PCDH9: variants seen among roughly 807,000 people sequenced by gnomAD.
PCDH9 encodes protocadherin-9.
PCDH9 carries 24 observed loss-of-function variants against 70.6 expected under a neutral mutation model. The observed-to-expected ratio is 0.34, with a 90% CI of 0.25 to 0.48. The LOEUF is 0.48. Among genes scored for constraint, PCDH9 ranks in the 20% least tolerant of loss-of-function variants. The pLI is 0.99. For synonymous variants in PCDH9, 562 were observed against 558.5 expected (o/e 1.01, Z -0.09); for missense variants, 1,281 against 1,503.6 (o/e 0.85, Z 2.45).
chr13:66,654,311 G>T (rs1370897476), intron 3 of PCDH9, among the ~76,000 whole-genome samples: 1 of 152,064 alleles, frequency 6.6e-6, no homozygotes, highest in Non-Finnish European at 1.5e-5. Flanking sequence ...GGTTACCAGG[G>T]GCTGGTAAGG....
intron 3 of PCDH9, among the ~76,000 whole-genome samples, chr13:66,800,911 T>A (rs1478344659): frequency 6.6e-6 from 1 of 152,030 alleles, no homozygotes; most frequent in African/African-American, 2.4e-5. Context: ...GCTAGAAAAA[T>A]GCTGGCACAT....
intron 2 of PCDH9, among the ~76,000 whole-genome samples, chr13:67,167,280 G>A (rs1314845195): frequency 1.3e-5 from 2 of 152,076 alleles, no homozygotes; most frequent in Non-Finnish European, 2.9e-5. Flanking sequence ...GTGCCTCTCA[G>A]CAAATTACTT....
chr13:66,730,876 G>GTGTGTTTTTTTTT (rs1555262846), intron 3 of PCDH9, among the ~76,000 whole-genome samples: 2 of 46,358 alleles, frequency 4.3e-5, no homozygotes, highest in African/African-American at 1.5e-4. Flanking sequence ...GTGTGTGTGT[G>GTGTGTTTTTTTTT]TTTTTTTTTT....
chr13:66,618,065 G>A (rs2077380514), intron 4 of PCDH9, among the ~76,000 whole-genome samples: 1 of 152,118 alleles, frequency 6.6e-6, no homozygotes, highest in Admixed American at 6.5e-5. Flanking sequence ...CTTCCTGGGT[G>A]GAAACTGGGA....
rs571189288 is a variant in PCDH9 at position 67,045,389 on chromosome 13, A to G, written c.3037-141784T>C. The stretch of plus-strand genomic sequence containing the variant: ...TCCTTTCTCTTTTCCATCACAGTCT[A>G]TGTTACTTTGAATACCTCTTTCCAT... On this transcript the variant is annotated intron_variant, in intron 2 of 4. Coordinates refer to ENST00000377865, the MANE Select transcript of PCDH9 (RefSeq NM_203487.3). 2.6e-5 allele frequency among the ~76,000 whole-genome samples: 4 copies of G among 152,120 alleles called. No individual in the cohort carries two copies. In the East Asian group the frequency reaches 7.7e-4, roughly 29 times the overall value.
intron 2 of PCDH9, among the ~76,000 whole-genome samples, chr13:67,091,785 C>T (rs1021052739): frequency 2.0e-5 from 3 of 152,116 alleles, no homozygotes; most frequent in Non-Finnish European, 2.9e-5. Flanking sequence ...AATAGTTCCT[C>T]GGTCATGTCA....
chr13:66,345,005 C>T (rs1034515231), intron 4 of PCDH9, among the ~76,000 whole-genome samples: 3 of 152,130 alleles, frequency 2.0e-5, no homozygotes, highest in Admixed American at 2.0e-4. Context: ...TCTTATCTTC[C>T]ACTACATGCA....
intron 4 of PCDH9, among the ~76,000 whole-genome samples, chr13:66,575,984 C>G (rs956343330): frequency 6.6e-6 from 1 of 150,632 alleles, no homozygotes; most frequent in African/African-American, 2.5e-5. Flanking sequence ...AAAAAAGTCA[C>G]CAGATTAAAA....
At chr13:66,390,250 A>G (rs2138266028) in intron 4 of PCDH9, among the ~76,000 whole-genome samples, 1 of 152,306 alleles carries the variant, frequency 6.6e-6, no homozygotes, top group South Asian at 2.1e-4. Flanking sequence ...CTGAGTTACC[A>G]TTAATCTGAG....
intron 3 of PCDH9, among the ~76,000 whole-genome samples, chr13:66,729,358 C>T (rs1370417342): frequency 1.3e-5 from 2 of 152,098 alleles, no homozygotes; most frequent in African/African-American, 4.8e-5. Context: ...AATAGACAAT[C>T]AAGTACCCTC....
chr13:66,622,231 C>G (rs548452956), intron 4 of PCDH9, among the ~76,000 whole-genome samples: 12 of 152,322 alleles, frequency 7.9e-5, no homozygotes, highest in Non-Finnish European at 2.9e-5. Flanking sequence ...GAGCCTCCCC[C>G]GCTCCGTGGG....
chr13:66,754,075 T>C (rs969029334), intron 3 of PCDH9, among the ~76,000 whole-genome samples: 18 of 152,182 alleles, frequency 1.2e-4, no homozygotes, highest in Non-Finnish European at 4.4e-5. Flanking sequence ...TTTCATTAAA[T>C]TATTTCTTGA....
At chr13:66,797,960 G>GGTGT (rs368524616) in intron 3 of PCDH9, among the ~76,000 whole-genome samples, 39 of 147,264 alleles carry the variant, frequency 2.6e-4, no homozygotes, top group African/African-American at 9.0e-4. Flanking sequence ...TTTCTTGGGG[G>GGTGT]GTGTGTGTGT....
intron 2 of PCDH9, among the ~76,000 whole-genome samples, chr13:67,014,123 T>C (rs17195231): frequency 0.013 from 2,005 of 152,224 alleles, 16 homozygotes; most frequent in African/African-American, 0.02. Flanking sequence ...AGGCAATTTA[T>C]TTGTCCCCAC....
chr13:66,304,868 C>G lies in PCDH9; in HGVS notation c.3501G>C (p.Trp1167Cys). The G allele has an allele frequency of 1.1e-5, 17 of 1,613,508 alleles. No homozygotes were observed. Among genetic ancestry groups the G allele is most frequent in the Non-Finnish European group, 1.4e-5 (16 of 1,179,746 alleles). The change falls in exon 5 of 5, where the codon TGG (tryptophan) becomes TGC (cysteine). Residue 1167 changes from tryptophan to cysteine, a missense_variant. Trp to Cys is a radical substitution (Grantham distance 215). This residue lies in a region of PCDH9 where 264 missense variants were observed against 278.8 expected (regional missense o/e 0.95). Transcript: ENST00000377865. ...CATTCACAAGCTTGTCCTTCTTCAC[C>G]CATTCTTTCTGGGGTGCAAAGGTTG... is the stretch of plus-strand genomic sequence containing the variant. ...PLSTFAPQKE[W>C]VKKDKLVNGH... is the part of the protein sequence containing the mutation.
At chr13:66,457,853 G>A (rs185508727) in intron 4 of PCDH9, among the ~76,000 whole-genome samples, 6 of 151,884 alleles carry the variant, frequency 4.0e-5, no homozygotes, top group African/African-American at 1.4e-4. Context: ...TTTTGGGGGG[G>A]ATAGGGGCTT....
At chr13:66,810,210 G>A (rs970646164) in intron 3 of PCDH9, among the ~76,000 whole-genome samples, 2 of 152,024 alleles carry the variant, frequency 1.3e-5, no homozygotes, top group East Asian at 1.9e-4. Context: ...ATAGGGCTTA[G>A]AATCCTTTTT....
intron 4 of PCDH9, among the ~76,000 whole-genome samples, chr13:66,453,364 C>A (rs544434782): frequency 2.2e-4 from 34 of 152,162 alleles, no homozygotes; most frequent in Non-Finnish European, 4.7e-4. Context: ...AGTAAGCTGA[C>A]CTAGAGAGCT....
chr13:67,064,288 A>G (rs999499691), intron 2 of PCDH9, among the ~76,000 whole-genome samples: 1 of 141,110 alleles, frequency 7.1e-6, no homozygotes, highest in Non-Finnish European at 1.5e-5. Context: ...TCTCTAGATC[A>G]GAAAAAAACA....
Sources: gnomAD v4.1 joint callset for allele counts (sites outside exome capture counted in the v4.1 genomes callset) on GRCh38, gnomAD v4.1.1 for gene constraint, gnomAD v4.1.1 regional missense constraint, MANE v1.5 for transcripts, NCBI Gene and HGNC (gene_info 2026-07-23, HGNC 2026-07-21) for gene names.